Variants in CNTN5 observed in about 807,000 individuals in gnomAD.
The protein encoded by CNTN5 is contactin 5.
In CNTN5, 77 loss-of-function variants were observed where a neutral mutation model predicts 129.1. That is an observed-to-expected ratio of 0.60 (90% CI 0.50 to 0.72). The LOEUF (loss-of-function observed/expected upper bound fraction) is 0.72, where lower values mean the gene tolerates loss of function less well. Among genes scored for constraint, CNTN5 ranks in the 30% least tolerant of loss-of-function variants. The pLI is 0.00. For synonymous variants in CNTN5, 509 were observed against 465.6 expected (o/e 1.09, Z -1.20); for missense variants, 1,478 against 1,328.8 (o/e 1.11, Z -1.75).
intron 18 of CNTN5, among the ~76,000 whole-genome samples, chr11:100,288,375 C>A (rs974538952): frequency 4.5e-4 from 69 of 152,076 alleles, no homozygotes; most frequent in Non-Finnish European, 8.5e-4. Context: ...CTCTCCTCAG[C>A]AAATGTGAAA....
At chr11:99,753,879 G>A (rs11221230) in intron 3 of CNTN5, among the ~76,000 whole-genome samples, 21,902 of 150,558 alleles carry the variant, frequency 0.15, 1,734 homozygotes, top group Non-Finnish European at 0.17. Flanking sequence ...GTAGAAATGG[G>A]GTTTTGCTAT....
intron 7 of CNTN5, among the ~76,000 whole-genome samples, chr11:99,940,722 G>T (rs1425005795): frequency 1.3e-5 from 2 of 152,038 alleles, no homozygotes; most frequent in African/African-American, 4.8e-5. Flanking sequence ...CTTCATTAGA[G>T]AGTTCATAAA....
At chr11:99,300,292 C>T (rs963200794) in intron 1 of CNTN5, among the ~76,000 whole-genome samples, 1 of 151,960 alleles carries the variant, frequency 6.6e-6, no homozygotes, top group Non-Finnish European at 1.5e-5. Flanking sequence ...AAATACGTTT[C>T]TTCTCATGCC....
intron 1 of CNTN5, among the ~76,000 whole-genome samples, chr11:99,097,112 T>C (rs1311575873): frequency 6.6e-6 from 1 of 151,950 alleles, no homozygotes; most frequent in Non-Finnish European, 1.5e-5. Context: ...TTTCTTATAA[T>C]CCAAATAATT....
chr11:99,558,339 A>T (rs767639777), intron 3 of CNTN5: 8 of 357,588 alleles, frequency 2.2e-5, no homozygotes, highest in Non-Finnish European at 4.4e-5. Flanking sequence ...AAGGACACCC[A>T]GTTAGATTTG....
intron 1 of CNTN5, among the ~76,000 whole-genome samples, chr11:99,279,241 T>C (rs1292939127): frequency 6.6e-6 from 1 of 151,826 alleles, no homozygotes; most frequent in Admixed American, 6.6e-5. Flanking sequence ...TACTGAACTC[T>C]GAAGTGGAAG....
intron 3 of CNTN5, among the ~76,000 whole-genome samples, chr11:99,727,028 C>T (rs935724834): frequency 6.6e-5 from 10 of 151,584 alleles, no homozygotes; most frequent in Admixed American, 4.6e-4. Context: ...AGGGCATGGC[C>T]GGGCGCGGTG....
chr11:99,924,689 T>G (rs1471200236), intron 7 of CNTN5, among the ~76,000 whole-genome samples: 1 of 152,134 alleles, frequency 6.6e-6, no homozygotes, highest in Non-Finnish European at 1.5e-5. Flanking sequence ...ATTTGCCCTC[T>G]TTTTACTTTC....
intron 17 of CNTN5, among the ~76,000 whole-genome samples, chr11:100,260,490 A>G (rs896231156): frequency 1.3e-5 from 2 of 152,142 alleles, no homozygotes; most frequent in African/African-American, 4.8e-5. Context: ...GAGGCACAAC[A>G]AAAAAAGAAA....
Position 100,238,532 on chromosome 11 carries a change from G to A in CNTN5, c.2005+13720G>A, listed in dbSNP as rs978740224. On this transcript the variant is annotated intron_variant, in intron 16 of 24. Transcript: ENST00000524871. ...GAAGGGGGAAGAGGAGGAGGGGGTA[G>A]AAGAGGAGGAGGAGGAGGGGGAAGA... 2.8e-5 allele frequency among the ~76,000 whole-genome samples: 4 copies of A among 145,402 alleles called. No homozygotes were observed. In the East Asian group the frequency reaches 8.5e-4, roughly 31 times the overall value.
In CNTN5 at chr11:99,699,271, G is replaced by A. The variant is rs1205544277; in HGVS notation, c.56-120273G>A. On this transcript the variant is annotated intron_variant, in intron 3 of 24. Coordinates refer to ENST00000524871, the MANE Select transcript of CNTN5 (RefSeq NM_014361.4). ...AGGTAAAATTCAAGATACAACATTT[G>A]CTACTTATATTTAATGTTTAATTTG... 1.3e-5 allele frequency among the ~76,000 whole-genome samples: 2 copies of A among 151,304 alleles called. 1 individual carries two copies. The highest frequency in any genetic ancestry group is 3.0e-5 in the Non-Finnish European group (2 of 67,554).
At chr11:99,037,576 CTT>C (rs1161467398) in intron 1 of CNTN5, among the ~76,000 whole-genome samples, 6 of 105,652 alleles carry the variant, frequency 5.7e-5, no homozygotes, top group Admixed American at 1.0e-4. Context: ...TTTTTCTTTT[CTT>C]TTTTTTTTTT....
chr11:99,294,180 C>T (rs1864287642), intron 1 of CNTN5, among the ~76,000 whole-genome samples: 1 of 151,996 alleles, frequency 6.6e-6, no homozygotes, highest in Non-Finnish European at 1.5e-5. Context: ...TGTACAGGAG[C>T]ATGTTGTTTA....
At position 99,733,047 on chromosome 11, in the gene CNTN5, C is replaced by G. The variant is rs115568163; in HGVS notation, c.56-86497C>G. On this transcript the variant is annotated intron_variant, in intron 3 of 24. Coordinates refer to ENST00000524871, the MANE Select transcript of CNTN5 (RefSeq NM_014361.4). ...CCCTGGAACAGTGAAAGTCCTTGGC[C>G]GGGCGCGGTGGCTCACGCCTGTCAT... Among the ~76,000 whole-genome samples, 1,430 of 152,136 alleles carry G rather than the reference C, an allele frequency of 9.4e-3. 24 individuals are homozygous for G. Among genetic ancestry groups the G allele is most frequent in the African/African-American group, 0.032 (1,336 of 41,494 alleles).
chr11:100,255,205 T>G (rs191742265), intron 16 of CNTN5, among the ~76,000 whole-genome samples: 219 of 152,352 alleles, frequency 1.4e-3, no homozygotes, highest in Non-Finnish European at 2.0e-3. Context: ...GTCTGGCATA[T>G]GTCCTTACCT....
At chr11:99,813,452 G>C (rs1345567917) in intron 3 of CNTN5, among the ~76,000 whole-genome samples, 1 of 152,142 alleles carries the variant, frequency 6.6e-6, no homozygotes. Flanking sequence ...AAATTGTTAG[G>C]ATCTGAAGCA....
chr11:100,193,773 C>A, intron 15 of CNTN5, 110 bp downstream of exon 15: 1 of 803,876 alleles, frequency 1.2e-6, no homozygotes, highest in Non-Finnish European at 1.9e-6. Context: ...AACAGAACAT[C>A]GACTTGATAA....
chr11:99,958,709 T>C (rs893679467), intron 8 of CNTN5, among the ~76,000 whole-genome samples: 1 of 152,198 alleles, frequency 6.6e-6, no homozygotes. Context: ...TTGAATTAAT[T>C]CTCTATAAGC....
At chr11:99,345,547 C>CA (rs1212209330) in intron 2 of CNTN5, among the ~76,000 whole-genome samples, 41 of 152,004 alleles carry the variant, frequency 2.7e-4, no homozygotes, top group African/African-American at 9.2e-4. Flanking sequence ...TCAAATTTTA[C>CA]AAAAAAGGAA....
Sources: allele counts gnomAD v4.1 joint callset (sites outside exome capture counted in the v4.1 genomes callset), GRCh38; gene constraint gnomAD v4.1.1; transcripts MANE v1.5; gene names NCBI Gene and HGNC (gene_info 2026-07-23, HGNC 2026-07-21).